The following DSCAM variants were observed in gnomAD, a reference collection of about 807,000 sequenced individuals.
DSCAM encodes DS cell adhesion molecule.
DSCAM carries 47 observed loss-of-function variants against 217.7 expected under a neutral mutation model. The ratio of observed to expected loss-of-function variants is 0.22; its 90% CI spans 0.17 to 0.28. DSCAM has a LOEUF of 0.28. DSCAM is among the 10% of genes least tolerant of loss of function. The pLI, the probability that DSCAM is intolerant of heterozygous loss-of-function variation, is 1.00. For synonymous variants in DSCAM, 1,056 were observed against 1,015.3 expected, an observed-to-expected ratio of 1.04 and a Z score of -0.76; for missense variants, 2,080 against 2,618.3, an observed-to-expected ratio of 0.79 and a Z score of 4.49.
chr21:40,757,003 ATG>A lies in DSCAM; in HGVS notation c.44-48234_44-48233del, dbSNP rs1182232141. 2.2e-5 allele frequency among the ~76,000 whole-genome samples: 3 copies of A among 137,568 alleles called. No individual in the cohort carries two copies. In the South Asian group the frequency reaches 7.4e-4, roughly 34 times the overall value. The allele number at this position is 137,568 out of a possible 152,430, so 90.2% of individuals were successfully genotyped here. ...TGTGTGTGTGTGTGTGTGTGTGTGT[ATG>A]TGTGTGTATTTTATTTTTATTTTTA... On this transcript the variant is annotated intron_variant, in intron 1 of 32. Transcript: ENST00000400454.
intron 8 of DSCAM, among the ~76,000 whole-genome samples, chr21:40,313,854 T>C (rs1455231833): frequency 6.6e-6 from 1 of 152,212 alleles, no homozygotes; most frequent in African/African-American, 2.4e-5. Flanking sequence ...ATTAATCATG[T>C]GATAATCTAA....
intron 3 of DSCAM, among the ~76,000 whole-genome samples, chr21:40,553,354 A>G (rs1449248876): frequency 6.6e-6 from 1 of 152,244 alleles, no homozygotes; most frequent in African/African-American, 2.4e-5. Context: ...AGATCAACTC[A>G]ATGACAGTAT....
chr21:40,460,647 A>T (rs2145947605), intron 3 of DSCAM, among the ~76,000 whole-genome samples: 1 of 152,340 alleles, frequency 6.6e-6, no homozygotes, highest in East Asian at 1.9e-4. Flanking sequence ...AACATGATGG[A>T]TGAGGGACAT....
chr21:40,035,335 G>A (rs1396992229), intron 32 of DSCAM, among the ~76,000 whole-genome samples: 3 of 96,602 alleles, frequency 3.1e-5, no homozygotes, highest in African/African-American at 9.5e-5. Flanking sequence ...CCAAGCAAAT[G>A]GAAAACAAAA....
chr21:40,332,519 G>A (rs2074388041), intron 8 of DSCAM, among the ~76,000 whole-genome samples: 1 of 152,124 alleles, frequency 6.6e-6, no homozygotes, highest in South Asian at 2.1e-4. Context: ...TTATCCAGCA[G>A]CCAATTAACT....
At chr21:40,313,665 C>G (rs2074165168) in intron 8 of DSCAM, among the ~76,000 whole-genome samples, 1 of 152,020 alleles carries the variant, frequency 6.6e-6, no homozygotes, top group Non-Finnish European at 1.5e-5. Context: ...AAGATGTTAC[C>G]TTGCCCTTTT....
chr21:40,222,641 T>C (rs1356033822), intron 11 of DSCAM, among the ~76,000 whole-genome samples: 2 of 152,032 alleles, frequency 1.3e-5, no homozygotes, highest in Non-Finnish European at 2.9e-5. Flanking sequence ...TCAAAAAATG[T>C]AAAATAATTC....
intron 14 of DSCAM, among the ~76,000 whole-genome samples, chr21:40,180,746 C>T (rs2090789862): frequency 6.6e-6 from 1 of 152,184 alleles, no homozygotes; most frequent in South Asian, 2.1e-4. Flanking sequence ...AATGAAGATA[C>T]AGCCATCTTC....
At chr21:40,442,679 T>C (rs2075642144) in intron 3 of DSCAM, among the ~76,000 whole-genome samples, 1 of 151,840 alleles carries the variant, frequency 6.6e-6, no homozygotes. Context: ...GCTCGGCAAA[T>C]TTTTGTATTT....
At chr21:40,706,471 G>A (rs747224453) in intron 2 of DSCAM, among the ~76,000 whole-genome samples, 6 of 152,138 alleles carry the variant, frequency 3.9e-5, no homozygotes, top group Non-Finnish European at 7.4e-5. Context: ...CAAAATTTCT[G>A]AAATTTAAGA....
At chr21:40,686,736 TG>T (rs1435362323) in intron 3 of DSCAM, among the ~76,000 whole-genome samples, 1 of 152,124 alleles carries the variant, frequency 6.6e-6, no homozygotes, top group Non-Finnish European at 1.5e-5. Context: ...GGAGCCTTGC[TG>T]GCAGCTGTTT....
intron 6 of DSCAM, among the ~76,000 whole-genome samples, chr21:40,342,858 C>G (rs2074514288): frequency 6.8e-6 from 1 of 147,308 alleles, no homozygotes; most frequent in Middle Eastern, 3.6e-3. Context: ...ATTACAGGCA[C>G]AAGCCACCAT....
At chr21:40,635,976 C>T (rs929274901) in intron 3 of DSCAM, among the ~76,000 whole-genome samples, 3 of 152,150 alleles carry the variant, frequency 2.0e-5, no homozygotes, top group South Asian at 2.1e-4. Flanking sequence ...GACCCAAACA[C>T]GCAGGCAAAA....
chr21:40,713,089 C>T (rs1432791099), intron 1 of DSCAM, among the ~76,000 whole-genome samples: 1 of 152,204 alleles, frequency 6.6e-6, no homozygotes, highest in Non-Finnish European at 1.5e-5. Flanking sequence ...TTCAACAATG[C>T]TGGAAATAAC....
intron 14 of DSCAM, among the ~76,000 whole-genome samples, chr21:40,185,042 TGAGCTG>T (rs1440067158): frequency 2.0e-5 from 3 of 152,086 alleles, no homozygotes; most frequent in African/African-American, 7.2e-5. Flanking sequence ...GTTGGAGAAA[TGAGCTG>T]GGTGAAAATA....
chr21:40,801,573 C>A (rs994146), intron 1 of DSCAM, among the ~76,000 whole-genome samples: 137,704 of 152,192 alleles, frequency 0.9, 62,425 homozygotes, highest in African/African-American at 0.95. Flanking sequence ...GTTTCAGGAG[C>A]TAGACCAAGG....
In DSCAM at chr21:40,339,273, G is replaced by A. The variant is rs2074462742; in HGVS notation, c.1353C>T (p.Gly451=). 1 of 1,614,170 alleles carries A rather than the reference G, an allele frequency of 6.2e-7. No individual in the cohort carries two copies. The highest frequency in any genetic ancestry group is 8.5e-7 in the Non-Finnish European group (1 of 1,180,040). The change falls in exon 7 of 33, where the codon GGC becomes GGT. Residue 451 remains glycine (G), a synonymous_variant. Transcript: ENST00000400454. ...TLDDDPILKG[G]SHRISQMITS... is the part of the protein sequence containing the mutation. ...TGATCATCTGGCTGATGCGGTGACTGCCACCCTTGAGAATCGGGTCATCGT... is the reference window on the plus strand; with the variant it reads ...TGATCATCTGGCTGATGCGGTGACTACCACCCTTGAGAATCGGGTCATCGT...
At chr21:40,127,890 G>A (rs1568955107) in intron 19 of DSCAM, among the ~76,000 whole-genome samples, 1 of 152,054 alleles carries the variant, frequency 6.6e-6, no homozygotes, top group East Asian at 1.9e-4. Flanking sequence ...CCTGAACGTG[G>A]TTTGCTTCTC....
intron 1 of DSCAM, among the ~76,000 whole-genome samples, chr21:40,752,710 G>A (rs1476673743): frequency 3.9e-5 from 6 of 151,942 alleles, no homozygotes; most frequent in Non-Finnish European, 7.4e-5. Flanking sequence ...AACACAAATA[G>A]TGTTCCAAAA....
Sources: allele counts gnomAD v4.1 joint callset (sites outside exome capture counted in the v4.1 genomes callset), GRCh38; gene constraint gnomAD v4.1.1; transcripts MANE v1.5; gene names NCBI Gene and HGNC (gene_info 2026-07-23, HGNC 2026-07-21).